Variants in KALRN observed in about 807,000 individuals in gnomAD.
The protein encoded by KALRN is kalirin.
In KALRN, 70 loss-of-function variants were observed where a neutral mutation model predicts 353.7. That is an observed-to-expected ratio of 0.20 (90% CI 0.16 to 0.24). The LOEUF is 0.24. Ranked by LOEUF, KALRN falls within the 10% of genes least tolerant of loss-of-function variation. The pLI, the probability that KALRN is intolerant of heterozygous loss-of-function variation, is 1.00. For synonymous variants in KALRN, 1,391 were observed against 1,434.8 expected, an observed-to-expected ratio of 0.97 and a Z score of 0.69; for missense variants, 2,791 against 3,756.7, an observed-to-expected ratio of 0.74 and a Z score of 6.72.
At chr3:124,193,045 AATCT>A (rs1408139614) in intron 1 of KALRN, among the ~76,000 whole-genome samples, 1 of 152,168 alleles carries the variant, frequency 6.6e-6, no homozygotes, top group African/African-American at 2.4e-5. Flanking sequence ...CCTGACCTAG[AATCT>A]ATCTGATATT....
At chr3:124,128,372 A>G (rs917890844) in intron 1 of KALRN, among the ~76,000 whole-genome samples, 1 of 152,204 alleles carries the variant, frequency 6.6e-6, no homozygotes, top group Non-Finnish European at 1.5e-5. Context: ...TTTGTATATT[A>G]AAAGATATTT....
At chr3:124,264,181 C>A (rs2073236814) in intron 3 of KALRN, among the ~76,000 whole-genome samples, 1 of 151,918 alleles carries the variant, frequency 6.6e-6, no homozygotes, top group Non-Finnish European at 1.5e-5. Flanking sequence ...TCATGTTGAC[C>A]CTCTTAAAGT....
chr3:124,495,955 G>GTATA lies in KALRN; in HGVS notation c.4833-355_4833-354insATAT, dbSNP rs1448727495. Among the ~76,000 whole-genome samples, 48 of 27,426 alleles carry GTATA rather than the reference G, an allele frequency of 1.8e-3. 3 individuals carry two copies. The highest frequency in any genetic ancestry group is 3.1e-3 in the East Asian group (2 of 644). 18.0% of individuals were successfully genotyped at this position (27,426 alleles called of 152,430 possible). A position where few individuals can be genotyped will look rare whatever the true frequency, so the allele number is the denominator to read the frequency against. The stretch of plus-strand genomic sequence containing the variant: ...CAGACCCGTTCCCAAGTGTGTGTAT[G>GTATA]TGTATGTATGTATATATATATATAT... On this transcript the variant is annotated intron_variant, in intron 32 of 59. Transcript: ENST00000682506.
intron 1 of KALRN, among the ~76,000 whole-genome samples, chr3:124,191,681 C>G (rs2074934845): frequency 6.6e-6 from 1 of 152,140 alleles, no homozygotes; most frequent in Admixed American, 6.5e-5. Flanking sequence ...TCTGTATAGT[C>G]TCCCTACATG....
chr3:124,136,340 T>TG (rs2065914544), intron 1 of KALRN, among the ~76,000 whole-genome samples: 1 of 152,150 alleles, frequency 6.6e-6, no homozygotes, highest in Non-Finnish European at 1.5e-5. Flanking sequence ...AGGTCTACAG[T>TG]GGGCCCAAGA....
intron 1 of KALRN, among the ~76,000 whole-genome samples, chr3:124,044,446 A>C (rs991303957): frequency 3.3e-5 from 5 of 152,044 alleles, no homozygotes; most frequent in Non-Finnish European, 5.9e-5. Context: ...TTAGTTTATA[A>C]ATCTGTAAAA....
intron 3 of KALRN, among the ~76,000 whole-genome samples, chr3:124,240,738 T>C (rs7616435): frequency 0.13 from 19,061 of 152,138 alleles, 1,891 homozygotes; most frequent in African/African-American, 0.27. Context: ...ACAGAATGGA[T>C]TCAAGGTGCA....
At chr3:124,088,254 A>G (rs1368826298) in intron 1 of KALRN, among the ~76,000 whole-genome samples, 1 of 152,176 alleles carries the variant, frequency 6.6e-6, no homozygotes, top group Admixed American at 6.5e-5. Flanking sequence ...GGTCATCCAC[A>G]TGTGTCACAA....
At chr3:124,427,082 A>G (rs562486400) in intron 15 of KALRN, among the ~76,000 whole-genome samples, 2 of 152,362 alleles carry the variant, frequency 1.3e-5, no homozygotes, top group South Asian at 4.1e-4. Flanking sequence ...AGGAGAAAAT[A>G]TTAGCATGTC....
chr3:124,696,863 C>T (rs2062077042), intron 54 of KALRN, among the ~76,000 whole-genome samples: 2 of 152,220 alleles, frequency 1.3e-5, no homozygotes, highest in South Asian at 2.1e-4. Flanking sequence ...ATTCCCTCCT[C>T]CCCAGTGCTT....
chr3:124,657,991 G>A (rs976787373), intron 41 of KALRN, among the ~76,000 whole-genome samples, 188 bp downstream of exon 41: 4 of 152,036 alleles, frequency 2.6e-5, no homozygotes, highest in African/African-American at 4.8e-5. Flanking sequence ...CCATCTCTAC[G>A]AAGAATTTAA....
intron 12 of KALRN, among the ~76,000 whole-genome samples, chr3:124,395,854 T>C (rs1203861018): frequency 6.6e-6 from 1 of 152,208 alleles, no homozygotes; most frequent in Non-Finnish European, 1.5e-5. Flanking sequence ...TTATGACCTT[T>C]TACCATTCCT....
intron 1 of KALRN, among the ~76,000 whole-genome samples, chr3:124,222,298 G>A (rs2078002888): frequency 6.6e-6 from 1 of 152,218 alleles, no homozygotes; most frequent in Admixed American, 6.5e-5. Context: ...ATGCCCTGGA[G>A]GGGGAATTTA....
At chr3:124,456,042 T>A (rs1400621712) in intron 22 of KALRN, among the ~76,000 whole-genome samples, 2 of 152,200 alleles carry the variant, frequency 1.3e-5, no homozygotes, top group African/African-American at 4.8e-5. Context: ...CTTTAATCTG[T>A]GAGTTTTTAT....
At chr3:124,578,955 A>G (rs1176904781) in intron 34 of KALRN, among the ~76,000 whole-genome samples, 1 of 152,222 alleles carries the variant, frequency 6.6e-6, no homozygotes, top group Non-Finnish European at 1.5e-5. Context: ...GGTCACAGTA[A>G]GAAGGGTCTC....
At chr3:124,167,046 AAAT>A (rs752912509) in intron 1 of KALRN, among the ~76,000 whole-genome samples, 1 of 152,076 alleles carries the variant, frequency 6.6e-6, no homozygotes, top group African/African-American at 2.4e-5. Context: ...CTCCATCTCA[AAAT>A]AATAATAATA....
chr3:124,138,146 C>T (rs77249285), intron 1 of KALRN, among the ~76,000 whole-genome samples: 2,906 of 152,236 alleles, frequency 0.019, 103 homozygotes, highest in African/African-American at 0.066. Context: ...CCACTTCCAC[C>T]ACCCTCCTGC....
At chr3:124,667,561 G>A (rs754280568) in intron 47 of KALRN, among the ~76,000 whole-genome samples, 1 of 152,212 alleles carries the variant, frequency 6.6e-6, no homozygotes, top group Non-Finnish European at 1.5e-5. Context: ...AGCTTCTGTA[G>A]TGTTAACTAG....
At chr3:124,510,348 A>T (rs1412873098) in intron 33 of KALRN, among the ~76,000 whole-genome samples, 1 of 152,282 alleles carries the variant, frequency 6.6e-6, no homozygotes, top group Middle Eastern at 3.4e-3. Flanking sequence ...AAAGGAGAAT[A>T]TAGGGTAAGT....
Sources: gnomAD v4.1 joint callset for allele counts (sites outside exome capture counted in the v4.1 genomes callset) on GRCh38, gnomAD v4.1.1 for gene constraint, MANE v1.5 for transcripts, NCBI Gene and HGNC (gene_info 2026-07-23, HGNC 2026-07-21) for gene names.